The following RBPJ variants were observed in gnomAD, a reference collection of about 807,000 sequenced individuals.
RBPJ encodes the protein recombining binding protein suppressor of hairless.
In RBPJ, 9 loss-of-function variants were observed where a neutral mutation model predicts 67.8. The observed-to-expected ratio is 0.13, with a 90% CI of 0.08 to 0.23. The LOEUF (loss-of-function observed/expected upper bound fraction) is 0.23. Among genes scored for constraint, RBPJ ranks in the 10% least tolerant of loss-of-function variants. The pLI is 1.00. For missense variants in RBPJ, 305 were observed against 595.6 expected (o/e 0.51, Z 5.08); for synonymous variants, 198 against 203.3 (o/e 0.97, Z 0.22).
In RBPJ at chr4:26,431,184, T is replaced by TAAAAAAAAAAAAAAAAAAAAAAAAAAAAA. The variant is rs897964346; in HGVS notation, c.*204_*205insAAAAAAAAAAAAAAAAAAAAAAAAAAAAA. The TAAAAAAAAAAAAAAAAAAAAAAAAAAAAA allele has an allele frequency of 3.4e-4, 14 of 40,658 alleles. No homozygotes were observed. The highest frequency in any genetic ancestry group is 4.5e-4 in the African/African-American group (4 of 8,900). 2.5% of individuals were successfully genotyped at this position (40,658 alleles called of 1,614,324 possible). A position where few individuals can be genotyped will look rare whatever the true frequency, so the allele number is the denominator to read the frequency against. ...CTGATTTGAAATGCAGAAGCCACAG[T>TAAAAAAAAAAAAAAAAAAAAAAAAAAAAA]AAAAAAAAAAAAAAAAAAAAAAAAA... On this transcript the variant is annotated 3_prime_UTR_variant, in exon 11 of 11. Coordinates refer to ENST00000355476, the MANE Select transcript of RBPJ (RefSeq NM_015874.6).
intron 1 of RBPJ, among the ~76,000 whole-genome samples, chr4:26,228,123 G>A (rs1395609258): frequency 2.0e-5 from 3 of 152,228 alleles, no homozygotes; most frequent in South Asian, 2.1e-4. Context: ...AGGGAGGTCT[G>A]GACATTGTCT....
In RBPJ at chr4:26,424,795, T is replaced by A; in HGVS notation, c.747+52T>A. 9.4e-7 allele frequency: 1 copy of A among 1,064,202 alleles called. No individual in the cohort carries two copies. Among genetic ancestry groups the A allele is most frequent in the Non-Finnish European group, 1.4e-6 (1 of 701,700 alleles). 65.9% of individuals were successfully genotyped at this position (1,064,202 alleles called of 1,614,324 possible). A position where few individuals can be genotyped will look rare whatever the true frequency, so the allele number is the denominator to read the frequency against. On this transcript the variant is annotated intron_variant, in intron 7 of 10. Transcript: ENST00000355476. The surrounding 1 kb of genome is among the most constrained non-coding windows in gnomAD (Gnocchi z 5.3). ...TAATGTGAAGTAAAAATTAATTTCT[T>A]AAACAGGAAAATCACAACATTCAAA...
chr4:26,263,491 A>G (rs920563655), intron 1 of RBPJ, among the ~76,000 whole-genome samples: 2 of 152,288 alleles, frequency 1.3e-5, no homozygotes, highest in South Asian at 2.1e-4. Flanking sequence ...CCTTGCTACA[A>G]TTGTTATTTT....
intron 1 of RBPJ, among the ~76,000 whole-genome samples, chr4:26,174,712 C>G (rs1036344578): frequency 6.6e-6 from 1 of 152,052 alleles, no homozygotes; most frequent in South Asian, 2.1e-4. Flanking sequence ...TCAGGTGATC[C>G]GCCCAACTTG....
In RBPJ at chr4:26,362,113, C is replaced by T. The variant is rs1031966125; in HGVS notation, c.21-24240C>T. ...AGGTGTACAGGTGATTTCTGGCCCT[C>T]ATTCACAGAATAGAATAGTGGTCGT... On this transcript the variant is annotated intron_variant, in intron 1 of 10. Transcript: ENST00000355476. Among the ~76,000 whole-genome samples, 41 of 152,180 alleles carry T rather than the reference C, an allele frequency of 2.7e-4. 1 individual carries two copies. Among genetic ancestry groups the T allele is most frequent in the Non-Finnish European group, 1.5e-5 (1 of 68,030 alleles).
intron 1 of RBPJ, among the ~76,000 whole-genome samples, chr4:26,312,679 C>T (rs1332712115): frequency 1.3e-5 from 2 of 152,156 alleles, no homozygotes; most frequent in Non-Finnish European, 2.9e-5. Flanking sequence ...TTCATTGTAC[C>T]CCCAAGCTGT....
chr4:26,293,817 G>A (rs1486762969), intron 1 of RBPJ, among the ~76,000 whole-genome samples: 1 of 152,186 alleles, frequency 6.6e-6, no homozygotes, highest in African/African-American at 2.4e-5. Context: ...GAGTGCAGTG[G>A]CACGATCTCT....
intron 1 of RBPJ, among the ~76,000 whole-genome samples, chr4:26,196,738 A>C (rs547521056): frequency 6.6e-5 from 10 of 152,324 alleles, no homozygotes; most frequent in African/African-American, 2.4e-4. Flanking sequence ...TGTTGAGATA[A>C]AACAGATGTC....
chr4:26,263,978 G>T (rs1461473051), intron 1 of RBPJ, among the ~76,000 whole-genome samples: 2 of 151,360 alleles, frequency 1.3e-5, no homozygotes, highest in South Asian at 2.1e-4. Context: ...AGGTTTAAGC[G>T]ATTCTCCTGT....
intron 1 of RBPJ, among the ~76,000 whole-genome samples, chr4:26,374,600 C>T (rs1249507106): frequency 4.0e-5 from 6 of 151,844 alleles, no homozygotes; most frequent in African/African-American, 1.2e-4. Context: ...CTCAGCCTCC[C>T]GAGTAGCTGG....
Position 26,406,211 on chromosome 4 carries a change from T to A in RBPJ, c.96T>A (p.Asp32Glu), listed in dbSNP as rs781213573. The A allele has an allele frequency of 1.2e-6, 2 of 1,612,794 alleles. No homozygotes were observed. Among genetic ancestry groups the A allele is most frequent in the Non-Finnish European group, 1.7e-6 (2 of 1,179,146 alleles). The change falls in exon 3 of 11, where the codon GAT (aspartate) becomes GAA (glutamate). Residue 32 changes from aspartate to glutamate, a missense_variant. This residue lies in a region of RBPJ where 42 missense variants were observed against 43.6 expected (regional missense o/e 0.96). Transcript: ENST00000355476. ...GAAATTATTTAAAAGAGCGAGGGGA[T>A]CAAACAGTACTTATTCTTCATGCAA... ...AMRNYLKERG[D>E]QTVLILHAKV...
intron 1 of RBPJ, among the ~76,000 whole-genome samples, chr4:26,171,139 A>C (rs1184649517): frequency 6.6e-6 from 1 of 152,194 alleles, no homozygotes; most frequent in Non-Finnish European, 1.5e-5. Context: ...AGACTTATTC[A>C]TCCTTAATGT....
intron 1 of RBPJ, among the ~76,000 whole-genome samples, chr4:26,370,834 A>G (rs1729081179): frequency 6.6e-6 from 1 of 152,168 alleles, no homozygotes; most frequent in Admixed American, 6.5e-5. Flanking sequence ...TAATCCCAGC[A>G]CTTTGGGAGA....
At chr4:26,179,983 C>T (rs1278222923) in intron 1 of RBPJ, among the ~76,000 whole-genome samples, 2 of 152,108 alleles carry the variant, frequency 1.3e-5, no homozygotes, top group Non-Finnish European at 2.9e-5. Context: ...CCAGGAAATA[C>T]GATGCAGCCA....
intron 1 of RBPJ, among the ~76,000 whole-genome samples, chr4:26,366,134 G>A (rs547883399): frequency 1.6e-4 from 24 of 152,326 alleles, no homozygotes; most frequent in African/African-American, 5.5e-4. Flanking sequence ...GCATGTGTAT[G>A]TATGGGATTG....
At chr4:26,210,756 T>TCTCC (rs1718382726) in intron 1 of RBPJ, among the ~76,000 whole-genome samples, 1 of 108,348 alleles carries the variant, frequency 9.2e-6, no homozygotes, top group Non-Finnish European at 2.0e-5. Context: ...TCTTTCCTTC[T>TCTCC]TTCTTTCTTT....
At chr4:26,173,927 A>ACG (rs1716702426) in intron 1 of RBPJ, among the ~76,000 whole-genome samples, 1 of 152,192 alleles carries the variant, frequency 6.6e-6, no homozygotes, top group Admixed American at 6.5e-5. Flanking sequence ...AGAGGTGTGT[A>ACG]CAAAGTACCG....
At chr4:26,282,924 CTTTTTTTTTTT>C (rs67501530) in intron 1 of RBPJ, among the ~76,000 whole-genome samples, 330 of 61,680 alleles carry the variant, frequency 5.4e-3, no homozygotes, top group South Asian at 0.033. Context: ...AGTGTAGATT[CTTTTTTTTTTT>C]TTTTTTTTTT....
At chr4:26,289,384 C>CAAAAAA (rs60159669) in intron 1 of RBPJ, among the ~76,000 whole-genome samples, 205 of 77,600 alleles carry the variant, frequency 2.6e-3, no homozygotes, top group East Asian at 3.8e-3. Context: ...GACTTGGTCT[C>CAAAAAA]AAAAAAAAAA....
Sources: allele counts gnomAD v4.1 joint callset (sites outside exome capture counted in the v4.1 genomes callset), GRCh38; gene constraint gnomAD v4.1.1; regional missense constraint gnomAD v4.1.1; non-coding constraint Gnocchi (gnomAD v3.1); transcripts MANE v1.5; gene names NCBI Gene and HGNC (gene_info 2026-07-23, HGNC 2026-07-21).